Variants in ZNF362 observed in about 807,000 individuals in gnomAD.
ZNF362 encodes the protein rotund homolog.
In ZNF362, 11 loss-of-function variants were observed where a neutral mutation model predicts 42.9. The observed-to-expected ratio is 0.26, with a 90% CI of 0.16 to 0.42. ZNF362 has a LOEUF of 0.42. ZNF362 is among the 20% of genes least tolerant of loss of function. The pLI is 1.00. For missense variants in ZNF362, 362 were observed against 576.2 expected, an observed-to-expected ratio of 0.63 and a Z score of 3.81; for synonymous variants, 255 against 257.3, an observed-to-expected ratio of 0.99 and a Z score of 0.09.
At chr1:33,297,511 C>CTTTTT (rs776504622) in intron 8 of ZNF362, among the ~76,000 whole-genome samples, 29,121 of 74,108 alleles carry the variant, frequency 0.39, 3,873 homozygotes, top group Middle Eastern at 0.45. Context: ...TACATGATTC[C>CTTTTT]TCTTTTTTTT....
chr1:33,195,572 T>G, the ZNF362 span: 1 of 152,040 alleles, frequency 6.6e-6, no homozygotes, highest in Admixed American at 6.5e-5. Context: ...CTGTACAGGA[T>G]GTTACTGTAT....
intron 1 of ZNF362, among the ~76,000 whole-genome samples, chr1:33,261,831 C>T (rs1434926296): frequency 6.6e-6 from 1 of 152,226 alleles, no homozygotes; most frequent in Admixed American, 6.5e-5. Context: ...AGGCCACGTG[C>T]ATCTCTGTCT....
At chr1:33,174,392 C>T in the ZNF362 span, among the ~76,000 whole-genome samples, 1 of 152,134 alleles carries the variant, frequency 6.6e-6, no homozygotes, top group African/African-American at 2.4e-5. Context: ...CCATGTTGCC[C>T]ACACTGGTCT....
intron 6 of ZNF362, among the ~76,000 whole-genome samples, chr1:33,291,017 C>T (rs1434043275): frequency 1.3e-5 from 2 of 152,088 alleles, no homozygotes; most frequent in Non-Finnish European, 2.9e-5. Flanking sequence ...TGTAGGTTGC[C>T]TGTTCACTCT....
At chr1:33,231,623 G>A in the ZNF362 span, among the ~76,000 whole-genome samples, 1 of 152,188 alleles carries the variant, frequency 6.6e-6, no homozygotes, top group Non-Finnish European at 1.5e-5. Context: ...ACACATGCCT[G>A]TGTAGTTATT....
At chr1:33,289,866 G>A (rs1056335309) in intron 6 of ZNF362, among the ~76,000 whole-genome samples, 3 of 152,190 alleles carry the variant, frequency 2.0e-5, no homozygotes, top group Admixed American at 6.5e-5. Context: ...CGATGTCTTT[G>A]TTTCCTGCGA....
the ZNF362 span, among the ~76,000 whole-genome samples, chr1:33,152,716 G>T: frequency 6.6e-6 from 1 of 152,198 alleles, no homozygotes; most frequent in Admixed American, 6.5e-5. Context: ...TACCCTGGGA[G>T]AGAAATGCAA....
At chr1:33,153,679 A>T in the ZNF362 span, among the ~76,000 whole-genome samples, 1 of 152,272 alleles carries the variant, frequency 6.6e-6, no homozygotes, top group Non-Finnish European at 1.5e-5. Flanking sequence ...GAACACTAGC[A>T]TCCCTATTTC....
the ZNF362 span, among the ~76,000 whole-genome samples, chr1:33,208,514 C>T: frequency 6.6e-6 from 1 of 151,770 alleles, no homozygotes; most frequent in African/African-American, 2.4e-5. Flanking sequence ...TATAAATTAC[C>T]TTGTGCAGTA....
At chr1:33,210,827 G>A in the ZNF362 span, among the ~76,000 whole-genome samples, 3 of 151,864 alleles carry the variant, frequency 2.0e-5, no homozygotes, top group African/African-American at 7.3e-5. Context: ...GTCTTTGCAT[G>A]TGAGATGTGT....
chr1:33,236,572 T>TATATACAC, the ZNF362 span, among the ~76,000 whole-genome samples: 33 of 98,694 alleles, frequency 3.3e-4, 1 homozygote, highest in African/African-American at 1.2e-3. Flanking sequence ...TATATATATA[T>TATATACAC]ACATACACAC....
the ZNF362 span, among the ~76,000 whole-genome samples, chr1:33,172,639 T>C: frequency 1.3e-5 from 2 of 152,158 alleles, no homozygotes; most frequent in African/African-American, 4.8e-5. Context: ...CACACAGTTA[T>C]GCAAATATGC....
At chr1:33,194,532 C>CAA in the ZNF362 span, among the ~76,000 whole-genome samples, 3,392 of 103,638 alleles carry the variant, frequency 0.033, 148 homozygotes, top group East Asian at 0.17. Context: ...GACCCTGTCT[C>CAA]AAAAAAAAAA....
chr1:33,151,142 TC>T, the ZNF362 span, among the ~76,000 whole-genome samples: 2 of 151,990 alleles, frequency 1.3e-5, no homozygotes, highest in African/African-American at 2.4e-5. Context: ...ACAAGGGGGC[TC>T]TCCGTGGGTC....
the ZNF362 span, among the ~76,000 whole-genome samples, chr1:33,241,504 A>T: frequency 6.6e-6 from 1 of 152,094 alleles, no homozygotes; most frequent in Non-Finnish European, 1.5e-5. Flanking sequence ...TCAAAAAAAA[A>T]AAAAAAGATG....
chr1:33,248,711 C>G, the ZNF362 span, among the ~76,000 whole-genome samples: 2 of 152,190 alleles, frequency 1.3e-5, no homozygotes, highest in African/African-American at 4.8e-5. Flanking sequence ...CAGTGCCAAG[C>G]CAGGCAACCC....
At chr1:33,287,740 A>G (rs1646042928) in intron 6 of ZNF362, among the ~76,000 whole-genome samples, 1 of 152,238 alleles carries the variant, frequency 6.6e-6, no homozygotes, top group Admixed American at 6.5e-5. Context: ...TGCTAATAAC[A>G]ACGACAACTA....
upstream of ZNF362, among the ~76,000 whole-genome samples, chr1:33,253,515 G>A (rs953093098): frequency 3.9e-5 from 6 of 152,104 alleles, no homozygotes; most frequent in Admixed American, 1.3e-4. Context: ...TTAGATGGCA[G>A]CTCACTTTGG....
the ZNF362 span, chr1:33,176,492 C>T: frequency 7.3e-6 from 5 of 681,046 alleles, no homozygotes; most frequent in Non-Finnish European, 1.4e-5. Context: ...TCACATGAGG[C>T]CTGGAGGGGG....
Sources: gnomAD v4.1 joint callset for allele counts (sites outside exome capture counted in the v4.1 genomes callset) on GRCh38, gnomAD v4.1.1 for gene constraint, MANE v1.5 for transcripts, NCBI Gene and HGNC (gene_info 2026-07-23, HGNC 2026-07-21) for gene names.